The following HADHB variants were observed in gnomAD, a reference collection of about 807,000 sequenced individuals.
HADHB encodes the protein hydroxyacyl-CoA dehydrogenase trifunctional multienzyme complex subunit beta, also known as trifunctional enzyme subunit beta, mitochondrial.
A neutral mutation model predicts 61.9 loss-of-function variants in HADHB; 50 were observed. That is an observed-to-expected ratio of 0.81 (90% CI 0.64 to 1.02). HADHB has a LOEUF of 1.02. HADHB is among the 50% of genes least tolerant of loss of function. The probability of loss-of-function intolerance (pLI) is 0.00; values close to 1 mark genes in which losing one functional copy is unlikely to be tolerated. For synonymous variants in HADHB, 191 were observed against 201.6 expected, an observed-to-expected ratio of 0.95 and a Z score of 0.45; for missense variants, 504 against 586.5, an observed-to-expected ratio of 0.86 and a Z score of 1.45.
chr2:26,261,170 A>T, intron 3 of HADHB: 1 of 577,324 alleles, frequency 1.7e-6, no homozygotes, highest in Admixed American at 2.5e-5. Flanking sequence ...CTCCCTTTAG[A>T]GGGGCCTGTG....
intron 14 of HADHB, among the ~76,000 whole-genome samples, 178 bp downstream of exon 14, chr2:26,285,135 A>G (rs1672974252): frequency 6.6e-6 from 1 of 152,186 alleles, no homozygotes; most frequent in Admixed American, 6.5e-5. Context: ...TTCATTAAAT[A>G]TATTTATTTC....
intron 4 of HADHB, among the ~76,000 whole-genome samples, 172 bp from the exon 5 acceptor site, chr2:26,269,781 A>G (rs1672262914): frequency 6.6e-6 from 1 of 152,222 alleles, no homozygotes; most frequent in African/African-American, 2.4e-5. Context: ...AGGATGACAA[A>G]TAGCGAAGTC....
intron 3 of HADHB, among the ~76,000 whole-genome samples, chr2:26,259,937 G>A (rs1341201753): frequency 6.6e-6 from 1 of 152,152 alleles, no homozygotes. Context: ...AAAGGACTGG[G>A]GGCTGGCTCA....
intron 15 of HADHB, among the ~76,000 whole-genome samples, chr2:26,286,587 C>G (rs1429596036): frequency 2.0e-5 from 3 of 152,054 alleles, no homozygotes; most frequent in Admixed American, 6.6e-5. Context: ...ACTGCAACCT[C>G]TGCCTCGCGA....
At chr2:26,261,158 A>C in intron 3 of HADHB, 1 of 679,046 alleles carries the variant, frequency 1.5e-6, no homozygotes, top group Non-Finnish European at 2.6e-6. Context: ...TAAGCAGGGC[A>C]ACTCCCTTTA....
intron 4 of HADHB, among the ~76,000 whole-genome samples, chr2:26,269,159 A>C (rs565442406): frequency 1.3e-4 from 20 of 152,020 alleles, no homozygotes; most frequent in African/African-American, 4.6e-4. Flanking sequence ...TAAAAAAAAA[A>C]AAAAAACAGC....
chr2:26,254,429 G>T lies in HADHB; in HGVS notation c.65-1G>T. 6.2e-7 allele frequency: 1 copy of T among 1,603,248 alleles called. No individual in the cohort carries two copies. Among genetic ancestry groups the T allele is most frequent in the Non-Finnish European group, 8.5e-7 (1 of 1,170,112 alleles). On this transcript the variant is annotated splice_acceptor_variant, in intron 2 of 15. Coordinates refer to ENST00000317799, the MANE Select transcript of HADHB (RefSeq NM_000183.3). LOFTEE classifies it high-confidence loss of function. ...TGTAAACAGTTTATTTTGTCTTCCAGCCATAAGACCTCTGAGCTGTTCCTC... is the reference window on the plus strand; with the variant it reads ...TGTAAACAGTTTATTTTGTCTTCCATCCATAAGACCTCTGAGCTGTTCCTC...
intron 4 of HADHB, among the ~76,000 whole-genome samples, chr2:26,266,341 T>C (rs1333907648): frequency 6.6e-6 from 1 of 152,142 alleles, no homozygotes; most frequent in Non-Finnish European, 1.5e-5. Context: ...TTTTACATTA[T>C]TGATGTTAGG....
At chr2:26,286,813 G>A (rs201690756) in intron 15 of HADHB, among the ~76,000 whole-genome samples, 5 of 103,538 alleles carry the variant, frequency 4.8e-5, no homozygotes, top group Non-Finnish European at 8.0e-5. Flanking sequence ...GCCTGTTTTT[G>A]TTTTTTTTTT....
intron 7 of HADHB, 108 bp downstream of exon 7, chr2:26,277,268 C>T: frequency 1.7e-6 from 1 of 606,062 alleles, no homozygotes; most frequent in South Asian, 1.9e-5. Flanking sequence ...CACAGAACCT[C>T]ACTCTGTCAC....
intron 15 of HADHB, among the ~76,000 whole-genome samples, chr2:26,287,678 G>T (rs904184556): frequency 6.6e-6 from 1 of 152,190 alleles, no homozygotes; most frequent in Non-Finnish European, 1.5e-5. Context: ...CAAGAGCCAC[G>T]TGAGCAATAC....
At chr2:26,289,892 C>CT in intron 15 of HADHB, 26 bp from the exon 16 acceptor site, 1 of 1,550,900 alleles carries the variant, frequency 6.4e-7, no homozygotes, top group Middle Eastern at 1.7e-4. Flanking sequence ...ATTCATTGCT[C>CT]TAATTGGACT....
intron 10 of HADHB, among the ~76,000 whole-genome samples, chr2:26,281,226 A>G (rs1672774113): frequency 1.3e-5 from 2 of 151,874 alleles, no homozygotes; most frequent in Non-Finnish European, 2.9e-5. Context: ...TGCTTGTAAG[A>G]TGTGATTTCT....
chr2:26,260,215 G>A (rs1350260244), intron 3 of HADHB, among the ~76,000 whole-genome samples: 2 of 151,544 alleles, frequency 1.3e-5, no homozygotes, highest in Admixed American at 6.6e-5. Flanking sequence ...CCCAGTAGCT[G>A]GGATTATAGG....
chr2:26,256,634 A>G (rs977441441), intron 3 of HADHB, among the ~76,000 whole-genome samples: 3 of 152,168 alleles, frequency 2.0e-5, no homozygotes, highest in Admixed American at 6.5e-5. Flanking sequence ...TATACAATGT[A>G]TATCAGTCAG....
intron 1 of HADHB, among the ~76,000 whole-genome samples, chr2:26,253,860 AT>A (rs879442196): frequency 0.15 from 20,268 of 134,346 alleles, 1,801 homozygotes; most frequent in Middle Eastern, 0.21. Context: ...TCTCAAAAAA[AT>A]AAATAAATAA....
chr2:26,278,677 C>G lies in HADHB; in HGVS notation c.506C>G (p.Ser169Cys). 1 of 1,614,012 alleles carries G rather than the reference C, an allele frequency of 6.2e-7. No individual in the cohort carries two copies. The highest frequency in any genetic ancestry group is 8.5e-7 in the Non-Finnish European group (1 of 1,179,930). ...GTGGCAGGTGGTGTTGAGTTGATGTCCGATGTCCCTATTCGTCACTCAAGG... is the reference window on the plus strand; with the variant it reads ...GTGGCAGGTGGTGTTGAGTTGATGTGCGATGTCCCTATTCGTCACTCAAGG... ...VIVAGGVELM[S>C]DVPIRHSRKM... is the part of the protein sequence containing the mutation. The change falls in exon 8 of 16, where the codon TCC (serine) becomes TGC (cysteine). Residue 169 changes from serine (S) to cysteine (C), a missense_variant. Transcript: ENST00000317799.
chr2:26,244,941 T>C lies in HADHB; in HGVS notation c.-58T>C. On this transcript the variant is annotated 5_prime_UTR_variant, in exon 1 of 16. Coordinates refer to ENST00000317799, the MANE Select transcript of HADHB (RefSeq NM_000183.3). ...CCTTGGTCCCGCAGAGCCTTGGTACTTGGACCTGAACCTTGCTCCGAGAGG... is the reference window on the plus strand; with the variant it reads ...CCTTGGTCCCGCAGAGCCTTGGTACCTGGACCTGAACCTTGCTCCGAGAGG... 2.5e-6 allele frequency: 1 copy of C among 407,044 alleles called. No individual in the cohort carries two copies. Among genetic ancestry groups the C allele is most frequent in the Admixed American group, 3.6e-5 (1 of 28,004 alleles). The allele number at this position is 407,044 out of a possible 1,614,324, so 25.2% of individuals were successfully genotyped here.
At position 26,284,881 on chromosome 2, in the gene HADHB, A is replaced by G. The variant is rs2147832276; in HGVS notation, c.1150-2A>G. On this transcript the variant is annotated splice_acceptor_variant, in intron 13 of 15. Transcript: ENST00000317799. LOFTEE classifies it high-confidence loss of function. ...TTCTTATTCGATTATTTTCTCTTCC[A>G]GGGTCAGATTTTGGCAAATTTTAAA... is the stretch of plus-strand genomic sequence containing the variant. 1 of 1,503,974 alleles carries G rather than the reference A, an allele frequency of 6.6e-7. No homozygotes were observed. Among genetic ancestry groups the G allele is most frequent in the Non-Finnish European group, 9.3e-7 (1 of 1,079,558 alleles). The allele number at this position is 1,503,974 out of a possible 1,614,324, so 93.2% of individuals were successfully genotyped here. A position where few individuals can be genotyped will look rare whatever the true frequency, so the allele number is the denominator to read the frequency against.
Sources: gnomAD v4.1 joint callset for allele counts (sites outside exome capture counted in the v4.1 genomes callset) on GRCh38, gnomAD v4.1.1 for gene constraint, MANE v1.5 for transcripts, NCBI Gene and HGNC (gene_info 2026-07-23, HGNC 2026-07-21) for gene names.